DCDC2: variants seen among roughly 807,000 people sequenced by gnomAD.
DCDC2 encodes doublecortin domain-containing protein 2.
In DCDC2, 40 loss-of-function variants were observed where a neutral mutation model predicts 50.2. The observed-to-expected ratio is 0.80, with a 90% confidence interval of 0.62 to 1.04. The LOEUF (loss-of-function observed/expected upper bound fraction) is 1.04. Ranked by LOEUF, DCDC2 falls within the 50% of genes least tolerant of loss-of-function variation. The probability of loss-of-function intolerance (pLI) is 0.00; values close to 1 mark genes in which losing one functional copy is unlikely to be tolerated. For synonymous variants in DCDC2, 234 were observed against 210.6 expected (o/e 1.11, Z -0.96); for missense variants, 570 against 581.9 (o/e 0.98, Z 0.21).
the DCDC2 span, among the ~76,000 whole-genome samples, chr6:24,365,332 C>A: frequency 6.6e-6 from 1 of 152,242 alleles, no homozygotes; most frequent in African/African-American, 2.4e-5. Flanking sequence ...TTGCTCGTCA[C>A]CCAGGTTGGA....
At chr6:24,207,234 C>T (rs547767750) in intron 7 of DCDC2, among the ~76,000 whole-genome samples, 52 of 150,684 alleles carry the variant, frequency 3.5e-4, no homozygotes, top group African/African-American at 1.2e-3. Context: ...TTCTTTCCTT[C>T]CCTCCCTCAC....
chr6:24,296,926 C>T (rs965687567), intron 4 of DCDC2, among the ~76,000 whole-genome samples: 1 of 152,160 alleles, frequency 6.6e-6, no homozygotes, highest in Admixed American at 6.5e-5. Flanking sequence ...GAGCTAAAAA[C>T]AGAACTACCG....
rs555976010 is a variant in DCDC2, at chr6:24,197,693, C to T, written c.1023+7309G>A. 4.6e-5 allele frequency among the ~76,000 whole-genome samples: 7 copies of T among 150,926 alleles called. No homozygotes were observed. The East Asian group carries it at 1.3e-3, about 29-fold the overall frequency. On this transcript the variant is annotated intron_variant, in intron 8 of 9. Coordinates refer to ENST00000378454, the MANE Select transcript of DCDC2 (RefSeq NM_016356.5). ...TTGCAGAAAATGCCTGTGGAATCAT[C>T]AAGCAGCAATTTCACTGCTGCACTG...
At chr6:24,322,137 TC>T in intron 2 of DCDC2, among the ~76,000 whole-genome samples, 2 of 152,316 alleles carry the variant, frequency 1.3e-5, no homozygotes, top group Middle Eastern at 6.8e-3. Flanking sequence ...GACTTTTTTT[TC>T]AATCATGTTT....
intron 2 of DCDC2, among the ~76,000 whole-genome samples, chr6:24,329,332 T>C (rs1055025202): frequency 1.3e-5 from 2 of 152,226 alleles, no homozygotes; most frequent in Admixed American, 6.5e-5. Flanking sequence ...TTATCATTTG[T>C]TTGTTTTCCT....
chr6:24,276,166 C>A (rs1390412625), intron 7 of DCDC2, among the ~76,000 whole-genome samples: 3 of 151,956 alleles, frequency 2.0e-5, no homozygotes, highest in African/African-American at 7.3e-5. Flanking sequence ...ACTGTACCAG[C>A]CAATAATTCA....
intron 8 of DCDC2, among the ~76,000 whole-genome samples, chr6:24,180,784 CA>C (rs1761053856): frequency 6.6e-6 from 1 of 152,054 alleles, no homozygotes; most frequent in Non-Finnish European, 1.5e-5. Context: ...AACAACTGAC[CA>C]AACTTTTTGT....
In DCDC2 at chr6:24,196,401, T is replaced by C. The variant is rs571144984; in HGVS notation, c.1023+8601A>G. On this transcript the variant is annotated intron_variant, in intron 8 of 9. Coordinates refer to ENST00000378454, the MANE Select transcript of DCDC2 (RefSeq NM_016356.5). ...ATAGGTAGATAGATAAGTAGGTAGA[T>C]AGAATAAGACTGATAAGACTTATCC... Among the ~76,000 whole-genome samples, 75 of 152,290 alleles carry C rather than the reference T, an allele frequency of 4.9e-4. 1 individual carries two copies. The highest frequency in any genetic ancestry group is 2.7e-3 in the Admixed American group (42 of 15,282).
intron 2 of DCDC2, among the ~76,000 whole-genome samples, chr6:24,317,862 T>A (rs1561772332): frequency 3.3e-5 from 5 of 151,784 alleles, no homozygotes; most frequent in Admixed American, 1.3e-4. Flanking sequence ...TTCATGTTTT[T>A]AAAAAAAATC....
chr6:24,357,658 C>T lies in DCDC2; in HGVS notation c.93G>A (p.Gly31=), dbSNP rs938050921. 8.1e-6 allele frequency: 13 copies of T among 1,613,326 alleles called. No individual in the cohort carries two copies. The highest frequency in any genetic ancestry group is 1.1e-5 in the Non-Finnish European group (13 of 1,180,048). ...VYRNGDPFYA[G]RRVVIHEKKV... Reference sequence around the variant, plus strand: ...TCTTCTCATGGATGACGACGCGGCGCCCCGCGTAGAAGGGGTCCCCGTTGC... The same window carrying T: ...TCTTCTCATGGATGACGACGCGGCGTCCCGCGTAGAAGGGGTCCCCGTTGC... Residue 31 remains glycine (G), a synonymous_variant, in exon 1 of 10, where the codon GGG becomes GGA. Coordinates refer to ENST00000378454, the MANE Select transcript of DCDC2 (RefSeq NM_016356.5).
At chr6:24,383,037 A>AC in the DCDC2 span, among the ~76,000 whole-genome samples, 1 of 151,998 alleles carries the variant, frequency 6.6e-6, no homozygotes, top group Non-Finnish European at 1.5e-5. Flanking sequence ...AAAGAAAACT[A>AC]CCCCCTAGGC....
chr6:24,301,800 TA>T lies in DCDC2; in HGVS notation c.471del (p.Ile158SerfsTer6). On this transcript the variant is annotated frameshift_variant, in exon 4 of 10. Coordinates refer to ENST00000378454, the MANE Select transcript of DCDC2 (RefSeq NM_016356.5). LOFTEE classifies it high-confidence loss of function. ...GDLINPASRL[L>X]IPRKTLNQWD... is the part of the protein sequence containing the mutation. ...CACTGATTCAAGGTTTTTCTGGGGA[TA>T]AGGAGGCGAGAAGCTGGGTTTATGA... The T allele has an allele frequency of 2.5e-6, 4 of 1,614,166 alleles. No homozygotes were observed. The highest frequency in any genetic ancestry group is 1.7e-5 in the Admixed American group (1 of 60,018).
chr6:24,288,853 C>G lies in DCDC2; in HGVS notation c.758G>C (p.Ser253Thr). 1 of 1,611,642 alleles carries G rather than the reference C, an allele frequency of 6.2e-7. No individual in the cohort carries two copies. Among genetic ancestry groups the G allele is most frequent in the Non-Finnish European group, 8.5e-7 (1 of 1,178,196 alleles). Residue 253 changes from serine to threonine, a missense_variant and splice_region_variant, in exon 6 of 10, where the codon AGT (serine) becomes ACT (threonine). Transcript: ENST00000378454. Reference protein sequence around the residue: ...PIVGSRKSKGSGNDRHSKSTV... With the variant: ...PIVGSRKSKGTGNDRHSKSTV... Reference sequence around the variant, plus strand: ...ACGAGGAAAGCATCTGATACTTACACTCCCTTTAGACTTTCTGGATCCTAC... The same window carrying G: ...ACGAGGAAAGCATCTGATACTTACAGTCCCTTTAGACTTTCTGGATCCTAC...
intron 7 of DCDC2, among the ~76,000 whole-genome samples, chr6:24,267,450 A>G (rs6932795): frequency 0.024 from 3,707 of 152,294 alleles, 133 homozygotes; most frequent in African/African-American, 0.08. Context: ...GCCCATGAAA[A>G]TTAAAAATAA....
chr6:24,296,663 GAC>G (rs1252056909), intron 4 of DCDC2, among the ~76,000 whole-genome samples: 1 of 152,126 alleles, frequency 6.6e-6, no homozygotes, highest in Non-Finnish European at 1.5e-5. Context: ...GACATGAACA[GAC>G]ACTTTTCAAA....
intron 7 of DCDC2, among the ~76,000 whole-genome samples, chr6:24,227,728 G>A (rs707886): frequency 6.6e-6 from 1 of 152,188 alleles, no homozygotes; most frequent in African/African-American, 2.4e-5. Context: ...TTTGCTAGCA[G>A]CACATGATGC....
intron 7 of DCDC2, among the ~76,000 whole-genome samples, chr6:24,253,289 T>G (rs1762829258): frequency 6.6e-6 from 1 of 152,124 alleles, no homozygotes; most frequent in African/African-American, 2.4e-5. Flanking sequence ...AATGTGAGAA[T>G]AAAAATAGTA....
chr6:24,341,423 G>A (rs1760151955), intron 2 of DCDC2, among the ~76,000 whole-genome samples: 1 of 151,800 alleles, frequency 6.6e-6, no homozygotes. Flanking sequence ...TGATACATGG[G>A]AATTTTCATT....
chr6:24,358,899 A>ATAT (rs1561788477), upstream of DCDC2, among the ~76,000 whole-genome samples: 47 of 21,488 alleles, frequency 2.2e-3, 1 homozygote, highest in African/African-American at 9.6e-3. Flanking sequence ...TTATATATAT[A>ATAT]ATATATTATA....
Sources: allele counts gnomAD v4.1 joint callset (sites outside exome capture counted in the v4.1 genomes callset), GRCh38; gene constraint gnomAD v4.1.1; transcripts MANE v1.5; gene names NCBI Gene and HGNC (gene_info 2026-07-23, HGNC 2026-07-21).